PSTPIP2: variants seen among roughly 807,000 people sequenced by gnomAD.
The protein encoded by PSTPIP2 is proline-serine-threonine phosphatase-interacting protein 2.
Under a neutral mutation model 63.3 loss-of-function variants are expected in PSTPIP2, and 33 were observed. That is an observed-to-expected ratio of 0.52 (90% CI 0.40 to 0.70). The LOEUF (loss-of-function observed/expected upper bound fraction) is 0.70, where lower values mean the gene tolerates loss of function less well. Among genes scored for constraint, PSTPIP2 ranks in the 30% least tolerant of loss-of-function variants. The pLI is 0.00. For missense variants in PSTPIP2, 312 were observed against 400.7 expected (o/e 0.78, Z 1.89); for synonymous variants, 125 against 132.7 (o/e 0.94, Z 0.40).
intron 1 of PSTPIP2, among the ~76,000 whole-genome samples, chr18:46,059,787 G>A (rs2144130752): frequency 6.6e-6 from 1 of 152,188 alleles, no homozygotes; most frequent in African/African-American, 2.4e-5. Context: ...CCAGCACTTT[G>A]GGAGGCCAAG....
At position 45,991,910 on chromosome 18, in the gene PSTPIP2, G is replaced by A. The variant is rs200520272; in HGVS notation, c.912C>T (p.Asn304=). The A allele has an allele frequency of 3.7e-6, 6 of 1,608,604 alleles. No homozygotes were observed. The African/African-American group carries it at 4.0e-5, about 11-fold the overall frequency. Residue 304 remains asparagine (N), a synonymous_variant, in exon 12 of 15, where the codon AAC becomes AAT. Coordinates refer to ENST00000409746, the MANE Select transcript of PSTPIP2 (RefSeq NM_024430.4). ...AVPAGKATGP[N]LARRGPLPIP... is the part of the protein sequence containing the mutation. ...AGGCAGCTGGTTATTACCTTGCCAA[G>A]TTAGGCCCTGTAGCCTTTCCTGCTG...
chr18:46,025,424 G>C (rs950123085), intron 2 of PSTPIP2, among the ~76,000 whole-genome samples: 1 of 152,066 alleles, frequency 6.6e-6, no homozygotes, highest in African/African-American at 2.4e-5. Context: ...TCTCCCCAGG[G>C]GCAGCCACTG....
intron 1 of PSTPIP2, among the ~76,000 whole-genome samples, chr18:46,056,254 A>G (rs1174283998): frequency 6.6e-6 from 1 of 151,188 alleles, no homozygotes; most frequent in East Asian, 1.9e-4. Flanking sequence ...ATGTTCTCCA[A>G]CTCCCCTCTC....
chr18:46,026,044 C>T (rs1907568220), intron 2 of PSTPIP2, among the ~76,000 whole-genome samples: 1 of 152,202 alleles, frequency 6.6e-6, no homozygotes, highest in Non-Finnish European at 1.5e-5. Context: ...CATGAGCCAC[C>T]ACACCCAGCT....
intron 3 of PSTPIP2, among the ~76,000 whole-genome samples, chr18:46,019,342 A>G (rs907781976): frequency 2.0e-5 from 3 of 151,938 alleles, no homozygotes; most frequent in African/African-American, 7.3e-5. Flanking sequence ...TTCCCACTCT[A>G]TTTATCTCAA....
At chr18:46,028,218 C>T (rs1907658772) in intron 2 of PSTPIP2, 1 of 379,150 alleles carries the variant, frequency 2.6e-6, no homozygotes, top group Admixed American at 4.1e-5. Flanking sequence ...TGCGTTTCTC[C>T]TCAAACCTAA....
intron 2 of PSTPIP2, among the ~76,000 whole-genome samples, chr18:46,027,683 C>A (rs956602881): frequency 6.6e-6 from 1 of 151,528 alleles, no homozygotes; most frequent in African/African-American, 2.4e-5. Context: ...AAGTAAGACC[C>A]TGTATAAAAT....
chr18:46,057,253 G>A (rs548199428), intron 1 of PSTPIP2, among the ~76,000 whole-genome samples: 4 of 152,044 alleles, frequency 2.6e-5, no homozygotes, highest in African/African-American at 7.2e-5. Context: ...AGAAAAGATT[G>A]CTTGGTCACA....
At chr18:45,997,541 G>A (rs2051609772) in intron 9 of PSTPIP2, among the ~76,000 whole-genome samples, 1 of 151,658 alleles carries the variant, frequency 6.6e-6, no homozygotes, top group African/African-American at 2.4e-5. Context: ...GAGAATCCGG[G>A]CAGATCATTT....
chr18:45,988,431 C>G (rs1311465265), intron 14 of PSTPIP2, among the ~76,000 whole-genome samples: 2 of 91,836 alleles, frequency 2.2e-5, no homozygotes, highest in Non-Finnish European at 3.8e-5. Flanking sequence ...CGAGACTCTG[C>G]TTCGAAAAAA....
At chr18:46,004,903 T>C (rs1568213374) in intron 6 of PSTPIP2, among the ~76,000 whole-genome samples, 3 of 152,150 alleles carry the variant, frequency 2.0e-5, no homozygotes, top group African/African-American at 7.2e-5. Context: ...TAAAGACACA[T>C]GCACGTGAAT....
intron 2 of PSTPIP2, among the ~76,000 whole-genome samples, chr18:46,036,098 G>GTATT: frequency 6.7e-6 from 1 of 148,176 alleles, no homozygotes; most frequent in South Asian, 2.1e-4. Context: ...TATATTATCT[G>GTATT]TATTAATTAA....
At chr18:46,048,623 T>G (rs1249043369) in intron 1 of PSTPIP2, among the ~76,000 whole-genome samples, 2 of 152,102 alleles carry the variant, frequency 1.3e-5, no homozygotes, top group Non-Finnish European at 2.9e-5. Context: ...ACGGGCAAAC[T>G]CAAATCAGGG....
rs767873801 is a variant in PSTPIP2 at position 45,985,393 on chromosome 18, G to A, written c.*66C>T. On this transcript the variant is annotated 3_prime_UTR_variant, in exon 15 of 15. Coordinates refer to ENST00000409746, the MANE Select transcript of PSTPIP2 (RefSeq NM_024430.4). ...CTGACATAACGTGGCTATAGGTCCTGCTGCTCTGGGTGCCCTTTCCATATC... is the reference window on the plus strand; with the variant it reads ...CTGACATAACGTGGCTATAGGTCCTACTGCTCTGGGTGCCCTTTCCATATC... The A allele has an allele frequency of 1.9e-6, 3 of 1,608,426 alleles. No individual in the cohort carries two copies. In the South Asian group the frequency reaches 3.3e-5, roughly 18 times the overall value.
intron 14 of PSTPIP2, among the ~76,000 whole-genome samples, chr18:45,987,934 C>T (rs534271150): frequency 6.6e-6 from 1 of 152,256 alleles, no homozygotes; most frequent in East Asian, 1.9e-4. Flanking sequence ...CAATAATAAT[C>T]TGCAGGATGA....
chr18:45,988,613 G>T, intron 14 of PSTPIP2, 89 bp downstream of exon 14: 2 of 1,142,962 alleles, frequency 1.7e-6, no homozygotes, highest in East Asian at 2.4e-5. Flanking sequence ...GCTAGTTTGT[G>T]GTAGTGTTAT....
At chr18:45,985,791 T>C (rs1432601853) in intron 14 of PSTPIP2, among the ~76,000 whole-genome samples, 3 of 151,970 alleles carry the variant, frequency 2.0e-5, no homozygotes, top group Non-Finnish European at 4.4e-5. Flanking sequence ...TTTTTTTTTT[T>C]TTTGAGACAG....
chr18:46,039,982 C>A lies in PSTPIP2; in HGVS notation c.99G>T (p.Lys33Asn). 6.2e-7 allele frequency: 1 copy of A among 1,613,848 alleles called. No individual in the cohort carries two copies. Among genetic ancestry groups the A allele is most frequent in the Non-Finnish European group, 8.5e-7 (1 of 1,179,792 alleles). Reference protein sequence around the residue: ...NIIQHLNNGRKNCKEFEDFLK... With the variant: ...NIIQHLNNGRNNCKEFEDFLK... ...GAAAGTCTTCAAACTCTTTGCAGTT[C>A]TTGCGGCCATTGTTCAGATGTTGGA... is the stretch of plus-strand genomic sequence containing the variant. The change falls in exon 2 of 15, where the codon AAG becomes AAT. Residue 33 changes from lysine to asparagine, a missense_variant. Lys to Asn is a moderately conservative substitution (Grantham distance 94). Coordinates refer to ENST00000409746, the MANE Select transcript of PSTPIP2 (RefSeq NM_024430.4).
intron 1 of PSTPIP2, among the ~76,000 whole-genome samples, chr18:46,056,313 TGTGCTTCCTTAAA>T (rs1279023324): frequency 6.6e-6 from 1 of 152,228 alleles, no homozygotes; most frequent in East Asian, 1.9e-4. Flanking sequence ...TGTTGTGCCC[TGTGCTTCCTTAAA>T]GTACTCATTG....
Sources: gnomAD v4.1 joint callset for allele counts (sites outside exome capture counted in the v4.1 genomes callset) on GRCh38, gnomAD v4.1.1 for gene constraint, MANE v1.5 for transcripts, NCBI Gene and HGNC (gene_info 2026-07-23, HGNC 2026-07-21) for gene names.